The following KCTD14 variants were observed in gnomAD, a reference collection of about 807,000 sequenced individuals.
KCTD14 encodes BTB/POZ domain-containing protein KCTD14.
Under a neutral mutation model 5.9 loss-of-function variants are expected in KCTD14, and 7 were observed. The observed-to-expected ratio is 1.19, with a 90% CI of 0.68 to 2.23. The LOEUF (loss-of-function observed/expected upper bound fraction) is 2.23. KCTD14 is among the 30% of genes most tolerant of loss of function. KCTD14 has a pLI of 0.00. For missense variants in KCTD14, 342 were observed against 332.2 expected (o/e 1.03, Z -0.23); for synonymous variants, 140 against 133.1 (o/e 1.05, Z -0.36).
At chr11:78,040,459 G>A (rs572122668) in intron 1 of KCTD14, among the ~76,000 whole-genome samples, 4 of 149,498 alleles carry the variant, frequency 2.7e-5, no homozygotes, top group African/African-American at 9.9e-5. Flanking sequence ...CTCTTTGTGT[G>A]TCTCTCTGCT....
chr11:78,015,957 TC>T lies in KCTD14; in HGVS notation c.*635del, dbSNP rs1311023925. On this transcript the variant is annotated 3_prime_UTR_variant, in exon 2 of 2. Coordinates refer to ENST00000353172, the MANE Select transcript of KCTD14 (RefSeq NM_023930.4). ...GTCTCAAAATTAGAATACATCAAAA[TC>T]ACTTGGAGGGTTTGGTAAATCAGAA... The T allele has an allele frequency of 6.6e-6, 1 of 152,234 alleles. No individual in the cohort carries two copies. Among genetic ancestry groups the T allele is most frequent in the Non-Finnish European group, 1.5e-5 (1 of 68,098 alleles). 9.4% of individuals were successfully genotyped at this position (152,234 alleles called of 1,614,324 possible).
upstream of KCTD14, among the ~76,000 whole-genome samples, chr11:78,027,239 C>T (rs771571098): frequency 1.9e-4 from 29 of 152,128 alleles, no homozygotes; most frequent in Non-Finnish European, 2.9e-4. Flanking sequence ...GCAGATTCAA[C>T]GATTTTCTGA....
intron 2 of KCTD14, among the ~76,000 whole-genome samples, chr11:78,035,538 CT>C (rs1308111269): frequency 6.6e-6 from 1 of 152,066 alleles, no homozygotes; most frequent in African/African-American, 2.4e-5. Flanking sequence ...GCCAAAGGGA[CT>C]CTTTGTAAAG....
chr11:78,027,350 T>G (rs1388386622), upstream of KCTD14, among the ~76,000 whole-genome samples: 4 of 146,608 alleles, frequency 2.7e-5, no homozygotes, highest in African/African-American at 1.0e-4. Context: ...CTGGGCAGCA[T>G]AGCAAGACCC....
rs1857170343 is a variant in KCTD14 at position 78,016,601 on chromosome 11, A to C, written c.760T>G (p.Trp254Gly). The C allele has an allele frequency of 6.2e-7, 1 of 1,612,016 alleles. No individual in the cohort carries two copies. Among genetic ancestry groups the C allele is most frequent in the South Asian group, 1.1e-5 (1 of 91,036 alleles). The change falls in exon 2 of 2, where the codon TGG (tryptophan) becomes GGG (glycine). Residue 254 changes from tryptophan (W) to glycine (G), a missense_variant. Transcript: ENST00000353172. ...GTCTCTGCTCCTGAGGATCACCACC[A>C]GGTGAAGGTGAATGAATAAATGTTA... ...HFNIYSFTFT[W>G]W
chr11:78,035,967 C>T (rs766915502), intron 2 of KCTD14, among the ~76,000 whole-genome samples: 1 of 151,886 alleles, frequency 6.6e-6, no homozygotes, highest in Non-Finnish European at 1.5e-5. Flanking sequence ...TGAGACCAGC[C>T]TGGCCAACAT....
chr11:78,028,542 G>T (rs1017473306), intron 2 of KCTD14, among the ~76,000 whole-genome samples: 1 of 150,550 alleles, frequency 6.6e-6, no homozygotes, highest in Non-Finnish European at 1.5e-5. Context: ...GGCGGAGGTT[G>T]CAGTGAGCCC....
chr11:78,033,409 C>T lies in KCTD14; in HGVS notation c.-1+5255G>A, dbSNP rs541943503. Among the ~76,000 whole-genome samples the T allele has an allele frequency of 5.3e-5, 8 of 152,166 alleles. No homozygotes were observed. The South Asian group carries it at 1.2e-3, about 24-fold the overall frequency. ...AGATAACAAAGACAGGGGCAGGGCA[C>T]GGTGGCTCACGCCTGTAATCCCAGC... On this transcript the variant is annotated intron_variant, in intron 2 of 2. Transcript: ENST00000533144.
intron 2 of KCTD14, among the ~76,000 whole-genome samples, chr11:78,034,048 T>A (rs1448606563): frequency 6.6e-6 from 1 of 151,970 alleles, no homozygotes; most frequent in Non-Finnish European, 1.5e-5. Context: ...CAAAAATTAC[T>A]TTTTTGTTTC....
upstream of KCTD14, among the ~76,000 whole-genome samples, chr11:78,025,003 A>G (rs1380413749): frequency 6.8e-6 from 1 of 147,842 alleles, no homozygotes; most frequent in Admixed American, 6.8e-5. Flanking sequence ...ATATATTTGT[A>G]TATATATATT....
chr11:78,028,639 A>T (rs1281350448), intron 2 of KCTD14, among the ~76,000 whole-genome samples: 4 of 150,430 alleles, frequency 2.7e-5, no homozygotes, highest in African/African-American at 9.8e-5. Flanking sequence ...AGGGGACGTG[A>T]CAAGTATATT....
chr11:78,024,528 C>G (rs1857401281), upstream of KCTD14, among the ~76,000 whole-genome samples: 1 of 150,898 alleles, frequency 6.6e-6, no homozygotes, highest in Non-Finnish European at 1.5e-5. Context: ...TTGAAAAGTC[C>G]ACAGCTACTT....
chr11:78,033,417 C>T (rs1013524949), intron 2 of KCTD14, among the ~76,000 whole-genome samples: 5 of 152,252 alleles, frequency 3.3e-5, no homozygotes, highest in African/African-American at 2.4e-5. Context: ...CACGGTGGCT[C>T]ACGCCTGTAA....
In KCTD14 at chr11:78,017,359, C is replaced by T; in HGVS notation, c.91-89G>A. On this transcript the variant is annotated intron_variant, in intron 1 of 1. Transcript: ENST00000353172. ...ATCCAAAGGATAACTGGATAAAAAA[C>T]TTAGGGGAGCCATAATGATTGGCTT... The T allele has an allele frequency of 3.4e-6, 5 of 1,450,246 alleles. No individual in the cohort carries two copies. The South Asian group carries it at 4.5e-5, about 13-fold the overall frequency. 89.8% of individuals were successfully genotyped at this position (1,450,246 alleles called of 1,614,324 possible).
chr11:78,030,390 C>T (rs1857582835), intron 2 of KCTD14, among the ~76,000 whole-genome samples: 1 of 152,166 alleles, frequency 6.6e-6, no homozygotes. Context: ...GCTCTGCCAC[C>T]AGTTTGCAGT....
At chr11:78,029,178 C>G (rs1002216869) in intron 2 of KCTD14, among the ~76,000 whole-genome samples, 5 of 122,294 alleles carry the variant, frequency 4.1e-5, no homozygotes, top group African/African-American at 1.7e-4. Flanking sequence ...GAGCAAGACT[C>G]TGTCTCCAAA....
chr11:78,018,367 C>G (rs1279844936), intron 1 of KCTD14, among the ~76,000 whole-genome samples: 2 of 151,972 alleles, frequency 1.3e-5, no homozygotes, highest in African/African-American at 4.8e-5. Context: ...ATAGCAAGAC[C>G]CCATCTCTGT....
chr11:78,037,680 G>A (rs1291490622), intron 2 of KCTD14, among the ~76,000 whole-genome samples: 1 of 152,122 alleles, frequency 6.6e-6, no homozygotes, highest in African/African-American at 2.4e-5. Context: ...TTAGCCGGGT[G>A]TGGTGGTGGG....
At chr11:78,024,397 A>T (rs4945234), upstream of KCTD14, among the ~76,000 whole-genome samples, 71,191 of 130,776 alleles carry the variant, frequency 0.54, 18,883 homozygotes, top group Admixed American at 0.63. Flanking sequence ...AAAAAAAAAA[A>T]ATATATATAT....
Sources: allele counts gnomAD v4.1 joint callset (sites outside exome capture counted in the v4.1 genomes callset), GRCh38; gene constraint gnomAD v4.1.1; transcripts MANE v1.5; gene names NCBI Gene and HGNC (gene_info 2026-07-23, HGNC 2026-07-21).